ABI3BP: variants seen among roughly 807,000 people sequenced by gnomAD.
The protein encoded by ABI3BP is target of Nesh-SH3.
In ABI3BP, 216 loss-of-function variants were observed where a neutral mutation model predicts 268.6. The ratio of observed to expected loss-of-function variants is 0.80; its 90% CI spans 0.72 to 0.90. The LOEUF is 0.90. ABI3BP is among the 40% of genes least tolerant of loss of function. The pLI is 0.00. For missense variants in ABI3BP, 2,090 were observed against 2,182.4 expected, an observed-to-expected ratio of 0.96 and a Z score of 0.84; for synonymous variants, 730 against 730.0, an observed-to-expected ratio of 1.00 and a Z score of 0.00.
intron 47 of ABI3BP, 26 bp from the exon 48 acceptor site, chr3:100,811,303 T>A (rs2097855864): frequency 6.6e-7 from 1 of 1,507,390 alleles, no homozygotes; most frequent in African/African-American, 1.4e-5. Context: ...GGAGAAAAAT[T>A]TTAGAAACTG....
intron 14 of ABI3BP, among the ~76,000 whole-genome samples, chr3:100,853,949 G>A (rs966882142): frequency 4.6e-5 from 7 of 152,134 alleles, no homozygotes; most frequent in African/African-American, 1.7e-4. Context: ...TAAAAAGAGT[G>A]CTAAAAAGCC....
At chr3:100,967,003 G>C (rs1430787801) in intron 1 of ABI3BP, among the ~76,000 whole-genome samples, 2 of 151,838 alleles carry the variant, frequency 1.3e-5, no homozygotes, top group Non-Finnish European at 2.9e-5. Context: ...ACCCAGGTCT[G>C]TTTTTGATTA....
In ABI3BP at chr3:100,850,106, T is replaced by C. The variant is rs1406655691; in HGVS notation, c.1440A>G (p.Thr480=). 1 of 1,608,830 alleles carries C rather than the reference T, an allele frequency of 6.2e-7. No individual in the cohort carries two copies. The change falls in exon 17 of 68, where the codon ACA becomes ACG. Residue 480 remains threonine, a synonymous_variant. Transcript: ENST00000471714. ...QPRATLAPSE[T]PFVPQKLEIF... ...TTTCCAGTTTTTGAGGAACAAATGG[T>C]GTTTCACTTGGAGCTGAAAGCACAA...
At chr3:100,824,831 C>A in intron 36 of ABI3BP, 27 bp downstream of exon 36, 1 of 1,524,710 alleles carries the variant, frequency 6.6e-7, no homozygotes, top group East Asian at 2.4e-5. Context: ...CAGGGATCAC[C>A]CTTAAACCAA....
Position 100,751,931 on chromosome 3 carries a change from A to C in ABI3BP, c.5123-257T>G, listed in dbSNP as rs77366654. Among the ~76,000 whole-genome samples, 1,280 of 152,290 alleles carry C rather than the reference A, an allele frequency of 8.4e-3. 23 individuals are homozygous for C. The highest frequency in any genetic ancestry group is 0.03 in the African/African-American group (1,229 of 41,576). On this transcript the variant is annotated intron_variant, in intron 66 of 67. Transcript: ENST00000471714. ...CAGTCTCCCATTATACTCAGAATAA[A>C]ATCCAAAGTTCTTACCTGATTTCAA...
At chr3:100,811,454 T>C (rs1011885526) in intron 47 of ABI3BP, among the ~76,000 whole-genome samples, 177 bp from the exon 48 acceptor site, 15 of 152,198 alleles carry the variant, frequency 9.9e-5, no homozygotes, top group South Asian at 4.2e-4. Context: ...AATCCTCCAA[T>C]TAATATTTAT....
rs372905698 is a variant in ABI3BP, at chr3:100,867,484, A to T, written c.911-528T>A. 2.7e-5 allele frequency among the ~76,000 whole-genome samples: 4 copies of T among 150,200 alleles called. No homozygotes were observed. In the East Asian group the frequency reaches 5.8e-4, roughly 22 times the overall value. ...GTGAAACCCTGTCTCTACTAAATAT[A>T]CAAAAAATTAGCCGGGTGTGGTGGC... On this transcript the variant is annotated intron_variant, in intron 9 of 67. Transcript: ENST00000471714.
chr3:100,839,694 G>T, intron 23 of ABI3BP, 78 bp from the exon 24 acceptor site: 8 of 1,390,770 alleles, frequency 5.8e-6, no homozygotes, highest in Non-Finnish European at 7.9e-6. Flanking sequence ...GCCTCAAGCT[G>T]GGACACTACC....
At chr3:100,961,374 C>T (rs1252698961) in intron 1 of ABI3BP, among the ~76,000 whole-genome samples, 2 of 152,172 alleles carry the variant, frequency 1.3e-5, no homozygotes, top group African/African-American at 4.8e-5. Context: ...AGTGAAGGCT[C>T]ACTGCAGAGT....
At chr3:100,885,711 A>G (rs1234546556) in intron 5 of ABI3BP, 123 bp from the exon 6 acceptor site, 1 of 565,682 alleles carries the variant, frequency 1.8e-6, no homozygotes, top group African/African-American at 1.9e-5. Flanking sequence ...TTTAATCACT[A>G]TCATTTTAAA....
chr3:100,801,798 T>C (rs758225948), intron 51 of ABI3BP, among the ~76,000 whole-genome samples: 11 of 152,178 alleles, frequency 7.2e-5, no homozygotes, highest in South Asian at 2.1e-4. Context: ...CATTGTAGAA[T>C]TGTAATGATA....
chr3:100,758,799 A>G (rs951433519), intron 63 of ABI3BP, among the ~76,000 whole-genome samples: 1 of 152,218 alleles, frequency 6.6e-6, no homozygotes, highest in African/African-American at 2.4e-5. Flanking sequence ...TGAAAAGTGA[A>G]AAACTAGGAT....
At chr3:100,953,910 C>T (rs1005891310) in intron 1 of ABI3BP, among the ~76,000 whole-genome samples, 4 of 152,134 alleles carry the variant, frequency 2.6e-5, no homozygotes, top group East Asian at 1.9e-4. Context: ...GGATCATGCT[C>T]ATAGATACTT....
chr3:100,752,895 C>CT lies in ABI3BP; in HGVS notation c.5013dup (p.Glu1672ArgfsTer3). ...TTGACATATTGTTTGCCCTTACACT[C>CT]TGAGTAAGAGTCTGAATTAAAGGGT... On this transcript the variant is annotated frameshift_variant, in exon 66 of 68. Coordinates refer to ENST00000471714, the MANE Select transcript of ABI3BP (RefSeq NM_001375547.2). LOFTEE classifies it high-confidence loss of function. 1 of 1,613,528 alleles carries CT rather than the reference C, an allele frequency of 6.2e-7. No individual in the cohort carries two copies.
In ABI3BP at chr3:100,780,118, A is replaced by G. The variant is rs1015382353; in HGVS notation, c.4240+14T>C. The stretch of plus-strand genomic sequence containing the variant: ...GAGCTGAGCTGTCATAAAAGTCAGC[A>G]TGTTATTACTTACCTGGCTTTTTAG... On this transcript the variant is annotated intron_variant, in intron 58 of 67. Coordinates refer to ENST00000471714, the MANE Select transcript of ABI3BP (RefSeq NM_001375547.2). 4 of 1,611,652 alleles carry G rather than the reference A, an allele frequency of 2.5e-6. No homozygotes were observed. Among genetic ancestry groups the G allele is most frequent in the South Asian group, 1.1e-5 (1 of 90,956 alleles).
intron 55 of ABI3BP, among the ~76,000 whole-genome samples, chr3:100,790,797 T>A (rs2152045754): frequency 6.6e-6 from 1 of 152,108 alleles, no homozygotes; most frequent in East Asian, 1.9e-4. Flanking sequence ...GAATGTTAGG[T>A]TGCTTCTGCT....
chr3:100,952,617 T>C (rs879121177), intron 1 of ABI3BP: 2 of 152,112 alleles, frequency 1.3e-5, no homozygotes, highest in Admixed American at 1.3e-4. Flanking sequence ...TTTTATAATT[T>C]AAGAAAATTG....
At chr3:100,989,730 C>T (rs2092617474) in intron 1 of ABI3BP, among the ~76,000 whole-genome samples, 1 of 152,216 alleles carries the variant, frequency 6.6e-6, no homozygotes, top group African/African-American at 2.4e-5. Flanking sequence ...AGGGCCTGCT[C>T]TCCCACTATA....
chr3:100,922,448 A>G (rs1396473363), intron 2 of ABI3BP, among the ~76,000 whole-genome samples: 1 of 152,172 alleles, frequency 6.6e-6, no homozygotes, highest in Non-Finnish European at 1.5e-5. Flanking sequence ...GATTATCCAG[A>G]TGAGCTTACT....
Sources: allele counts gnomAD v4.1 joint callset (sites outside exome capture counted in the v4.1 genomes callset), GRCh38; gene constraint gnomAD v4.1.1; transcripts MANE v1.5; gene names NCBI Gene and HGNC (gene_info 2026-07-23, HGNC 2026-07-21).